HSP90AA1: variants seen among roughly 807,000 people sequenced by gnomAD.
The protein encoded by HSP90AA1 is heat shock protein 90 alpha family class A member 1.
HSP90AA1 carries 18 observed loss-of-function variants against 73.3 expected under a neutral mutation model. That is an observed-to-expected ratio of 0.25 (90% CI 0.17 to 0.36). The LOEUF (loss-of-function observed/expected upper bound fraction) is 0.36. HSP90AA1 is among the 10% of genes least tolerant of loss of function. The pLI is 1.00. For missense variants in HSP90AA1, 704 were observed against 874.2 expected (o/e 0.81, Z 2.45); for synonymous variants, 477 against 296.9 (o/e 1.61, Z -6.24).
chr14:102,082,818 C>T (rs1194965955), intron 9 of HSP90AA1: 2 of 573,804 alleles, frequency 3.5e-6, no homozygotes, highest in Admixed American at 5.9e-5. Context: ...GACTGAGTTT[C>T]ACCGTGTTAG....
intron 1 of HSP90AA1, among the ~76,000 whole-genome samples, chr14:102,110,380 G>T (rs1356795744): frequency 6.6e-6 from 1 of 151,254 alleles, no homozygotes; most frequent in African/African-American, 2.4e-5. Flanking sequence ...GAGGTGGCTT[G>T]GGTGCTGTTA....
intron 1 of HSP90AA1, among the ~76,000 whole-genome samples, chr14:102,112,357 G>A (rs2049652501): frequency 6.6e-6 from 1 of 152,158 alleles, no homozygotes; most frequent in Non-Finnish European, 1.5e-5. Flanking sequence ...TGTATTTTTA[G>A]TAGAGATGGG....
intron 1 of HSP90AA1, among the ~76,000 whole-genome samples, chr14:102,135,753 G>T (rs1177658741): frequency 6.6e-6 from 1 of 152,268 alleles, no homozygotes; most frequent in African/African-American, 2.4e-5. Context: ...CACTGGCCCG[G>T]GTGCTAAGTC....
intron 2 of HSP90AA1, among the ~76,000 whole-genome samples, chr14:102,101,271 A>G (rs954643728): frequency 6.6e-6 from 1 of 152,236 alleles, no homozygotes; most frequent in African/African-American, 2.4e-5. Flanking sequence ...GTGTCTAACC[A>G]GAGGCCAGAG....
chr14:102,102,078 G>C (rs1308795773), exon 2 of HSP90AA1: 8 of 1,613,694 alleles, frequency 5.0e-6, no homozygotes, highest in Middle Eastern at 1.7e-4. Flanking sequence ...CAGTTAACAG[G>C]TGCCCTGCTG....
At chr14:102,111,633 AAT>A (rs2049643945) in intron 1 of HSP90AA1, among the ~76,000 whole-genome samples, 1 of 152,244 alleles carries the variant, frequency 6.6e-6, no homozygotes, top group Admixed American at 6.5e-5. Flanking sequence ...CATGTCCCAC[AAT>A]ATCTTTATTC....
At chr14:102,090,397 C>T (rs2049338292), upstream of HSP90AA1, among the ~76,000 whole-genome samples, 1 of 152,178 alleles carries the variant, frequency 6.6e-6, no homozygotes, top group African/African-American at 2.4e-5. Context: ...TCTTCCACTC[C>T]TGCTTCACCG....
chr14:102,089,872 C>T (rs1383237878), upstream of HSP90AA1, among the ~76,000 whole-genome samples: 1 of 152,228 alleles, frequency 6.6e-6, no homozygotes, highest in Non-Finnish European at 1.5e-5. Context: ...TTCCACACAA[C>T]CGTCAGCTCA....
chr14:102,120,664 C>A (rs114385875), intron 1 of HSP90AA1, among the ~76,000 whole-genome samples: 1 of 151,596 alleles, frequency 6.6e-6, no homozygotes, highest in African/African-American at 2.4e-5. Flanking sequence ...CTTTTTAGGC[C>A]GGGTGCGATG....
intron 1 of HSP90AA1, among the ~76,000 whole-genome samples, chr14:102,131,286 C>A (rs1270119101): frequency 6.6e-6 from 1 of 152,184 alleles, no homozygotes; most frequent in Non-Finnish European, 1.5e-5. Flanking sequence ...CTTCATTTCT[C>A]CCACAAGCCA....
intron 1 of HSP90AA1, 136 bp from the exon 2 acceptor site, chr14:102,086,514 C>T (rs560312553): frequency 4.0e-6 from 4 of 1,006,496 alleles, no homozygotes; most frequent in East Asian, 2.4e-5. Flanking sequence ...AATAGAAGGG[C>T]GGCTGACAAA....
intron 4 of HSP90AA1, 57 bp from the exon 5 acceptor site, chr14:102,085,055 G>A (rs1054044734): frequency 3.1e-6 from 5 of 1,612,418 alleles, no homozygotes; most frequent in South Asian, 2.2e-5. Context: ...AAGCGACAGC[G>A]CTGCACCACT....
intron 1 of HSP90AA1, among the ~76,000 whole-genome samples, chr14:102,132,485 T>G (rs112154818): frequency 1.3e-5 from 2 of 151,932 alleles, no homozygotes; most frequent in African/African-American, 4.8e-5. Flanking sequence ...AGGTTGAGGC[T>G]GCAATGAGCC....
At chr14:102,085,069 T>G in intron 4 of HSP90AA1, 71 bp from the exon 5 acceptor site, 1 of 1,610,950 alleles carries the variant, frequency 6.2e-7, no homozygotes, top group Non-Finnish European at 8.5e-7. Context: ...CACCACTATT[T>G]TCAACCTAAG....
chr14:102,086,177 C>T, intron 2 of HSP90AA1, 40 bp downstream of exon 2: 8 of 1,614,152 alleles, frequency 5.0e-6, no homozygotes, highest in African/African-American at 1.3e-5. Flanking sequence ...GAAGTTCACA[C>T]TGAAACCAAA....
In HSP90AA1 at chr14:102,085,923, A is replaced by T; in HGVS notation, c.364T>A (p.Leu122Met). The T allele has an allele frequency of 9.3e-6, 15 of 1,614,014 alleles. No homozygotes were observed. The highest frequency in any genetic ancestry group is 1.3e-5 in the Non-Finnish European group (15 of 1,179,870). Residue 122 changes from leucine (L) to methionine (M), a missense_variant, in exon 3 of 11, where the codon TTG becomes ATG. Coordinates refer to ENST00000216281, the MANE Select transcript of HSP90AA1 (RefSeq NM_005348.4). ...KSGTKAFMEA[L>M]QAGADISMIG... ...ATAGAGATATCTGCACCAGCCTGCA[A>T]AGCTTCCATGAACGCTTTGGTCCCA...
rs945865634 is a variant in HSP90AA1, at chr14:102,081,200, C to T, written c.*512G>A. 12 of 236,022 alleles carry T rather than the reference C, an allele frequency of 5.1e-5. No homozygotes were observed. The highest frequency in any genetic ancestry group is 9.2e-5 in the Non-Finnish European group (11 of 119,070). 14.6% of individuals were successfully genotyped at this position (236,022 alleles called of 1,614,324 possible). A position where few individuals can be genotyped will look rare whatever the true frequency, so the allele number is the denominator to read the frequency against. On this transcript the variant is annotated 3_prime_UTR_variant, in exon 11 of 11. Coordinates refer to ENST00000216281, the MANE Select transcript of HSP90AA1 (RefSeq NM_005348.4). ...CTTTGCTCCTCCAAACAATACTTTT[C>T]TTTGGAAAACAAGCCCTGTGGAGAG... is the stretch of plus-strand genomic sequence containing the variant.
chr14:102,115,559 C>T (rs1344577191), intron 1 of HSP90AA1, among the ~76,000 whole-genome samples: 2 of 152,026 alleles, frequency 1.3e-5, no homozygotes, highest in Non-Finnish European at 2.9e-5. Flanking sequence ...TTTCCTAATA[C>T]CTTGTAAACA....
At chr14:102,082,637 T>C in intron 9 of HSP90AA1, 193 bp from the exon 10 acceptor site, 1 of 612,724 alleles carries the variant, frequency 1.6e-6, no homozygotes, top group Non-Finnish European at 2.9e-6. Flanking sequence ...AATTTTTTTT[T>C]TGAGATAGAG....
Sources: allele counts gnomAD v4.1 joint callset (sites outside exome capture counted in the v4.1 genomes callset), GRCh38; gene constraint gnomAD v4.1.1; transcripts MANE v1.5; gene names NCBI Gene and HGNC (gene_info 2026-07-23, HGNC 2026-07-21).